Variants in USP43 observed in about 807,000 individuals in gnomAD.
USP43 encodes the protein ubiquitin specific peptidase 43.
USP43 carries 33 observed loss-of-function variants against 90.7 expected under a neutral mutation model. The ratio of observed to expected loss-of-function variants is 0.36; its 90% CI spans 0.28 to 0.49. The LOEUF (loss-of-function observed/expected upper bound fraction) is 0.49, where lower values mean the gene tolerates loss of function less well. Ranked by LOEUF, USP43 falls within the 20% of genes least tolerant of loss-of-function variation. USP43 has a pLI of 0.98. For missense variants in USP43, 1,274 were observed against 1,476.4 expected (o/e 0.86, Z 2.25); for synonymous variants, 598 against 615.8 (o/e 0.97, Z 0.43).
chr17:9,679,516 CTTTTTTTTT>C (rs544977324), intron 5 of USP43, among the ~76,000 whole-genome samples: 2 of 82,310 alleles, frequency 2.4e-5, no homozygotes, highest in Non-Finnish European at 4.3e-5. Context: ...TGAAATGCAT[CTTTTTTTTT>C]TTTTTTTTTT....
At position 9,645,573 on chromosome 17, in the gene USP43, T is replaced by C. The variant is rs951128470; in HGVS notation, c.-60T>C. 4.2e-5 allele frequency: 49 copies of C among 1,167,184 alleles called. No homozygotes were observed. Among genetic ancestry groups the C allele is most frequent in the Non-Finnish European group, 5.1e-5 (48 of 947,002 alleles). The allele number at this position is 1,167,184 out of a possible 1,614,324, so 72.3% of individuals were successfully genotyped here. ...GCCTTAGAGAAGCTGTAGGGCCTGCTGGCCGCTCGTCCGCCTCGCGCCCGG... is the reference window on the plus strand; with the variant it reads ...GCCTTAGAGAAGCTGTAGGGCCTGCCGGCCGCTCGTCCGCCTCGCGCCCGG... On this transcript the variant is annotated 5_prime_UTR_variant, in exon 1 of 15. Transcript: ENST00000285199. This position sits in a 1 kb window ranked among gnomAD's most constrained non-coding sequence, Gnocchi z 6.8.
chr17:9,667,572 G>A (rs181674296), intron 3 of USP43, among the ~76,000 whole-genome samples: 232 of 152,318 alleles, frequency 1.5e-3, no homozygotes, highest in African/African-American at 5.1e-3. Context: ...AGGTCAGAGA[G>A]GGGAGAAAAC....
In USP43 at chr17:9,676,757, T is replaced by C. The variant is rs1300577661; in HGVS notation, c.845T>C (p.Val282Ala). ...IPLRQTRFLSVTLVFPSKSQR... is the reference protein window; with the variant it reads ...IPLRQTRFLSATLVFPSKSQR... ...TTCCTATTTTCCAGGTTCTTGAGTG[T>C]CACCTTGGTCTTCCCCTCTAAGAGC... The change falls in exon 5 of 15, where the codon GTC (valine) becomes GCC (alanine). Residue 282 changes from valine (V) to alanine (A), a missense_variant. Around this residue, in one of 6 missense-constraint regions of USP43, gnomAD observed 259 missense variants for 373.7 expected, o/e 0.69. Coordinates refer to ENST00000285199, the MANE Select transcript of USP43 (RefSeq NM_153210.5). 6.2e-7 allele frequency: 1 copy of C among 1,613,600 alleles called. No homozygotes were observed. The highest frequency in any genetic ancestry group is 1.1e-5 in the South Asian group (1 of 91,018).
chr17:9,666,517 A>T lies in USP43; in HGVS notation c.637-131A>T, dbSNP rs575487031. The T allele has an allele frequency of 6.4e-5, 44 of 683,698 alleles. 1 individual carries two copies. The Admixed American group carries it at 1.1e-3, about 16-fold the overall frequency. 42.4% of individuals were successfully genotyped at this position (683,698 alleles called of 1,614,324 possible). On this transcript the variant is annotated intron_variant, in intron 2 of 14. Coordinates refer to ENST00000285199, the MANE Select transcript of USP43 (RefSeq NM_153210.5). ...TGAGTTATGGTAAAGGCAGCACTGA[A>T]GGTTGAGACTCTACAGAGGCCCAGA...
chr17:9,662,993 T>C (rs1272900481), intron 2 of USP43, among the ~76,000 whole-genome samples: 1 of 152,010 alleles, frequency 6.6e-6, no homozygotes, highest in Non-Finnish European at 1.5e-5. Flanking sequence ...AATTTTTGTA[T>C]TTTTAGTAGA....
chr17:9,649,656 G>T (rs2151960151), intron 1 of USP43, among the ~76,000 whole-genome samples: 1 of 130,852 alleles, frequency 7.6e-6, no homozygotes, highest in Non-Finnish European at 1.6e-5. Flanking sequence ...TTCTAATGAT[G>T]TAATTAAATG....
intron 1 of USP43, among the ~76,000 whole-genome samples, chr17:9,648,037 A>G (rs1314794769): frequency 6.6e-6 from 1 of 152,164 alleles, no homozygotes; most frequent in Non-Finnish European, 1.5e-5. Context: ...GCAAAGCAAA[A>G]CAAAACAAAA....
chr17:9,668,819 G>A (rs923895205), intron 3 of USP43, among the ~76,000 whole-genome samples: 3 of 151,976 alleles, frequency 2.0e-5, no homozygotes, highest in East Asian at 3.9e-4. Context: ...CATGAAAGCC[G>A]CTTGTAGGGC....
At chr17:9,690,407 T>C (rs1051053264) in intron 8 of USP43, among the ~76,000 whole-genome samples, 1 of 152,172 alleles carries the variant, frequency 6.6e-6, no homozygotes, top group Non-Finnish European at 1.5e-5. Flanking sequence ...CCCCGTTGAT[T>C]TTTTAAAAAA....
In USP43 at chr17:9,680,377, T is replaced by C. The variant is rs780212500; in HGVS notation, c.1105+11T>C. On this transcript the variant is annotated intron_variant, in intron 6 of 14. Coordinates refer to ENST00000285199, the MANE Select transcript of USP43 (RefSeq NM_153210.5). ...AGGGGACTCTCTCAGGTATAACAGG[T>C]GCTTTGCACAATTTTATTTGGCTAT... 3 of 1,613,316 alleles carry C rather than the reference T, an allele frequency of 1.9e-6. No individual in the cohort carries two copies. In the African/African-American group the frequency reaches 4.0e-5, roughly 22 times the overall value.
chr17:9,724,553 G>A (rs1239727916), intron 14 of USP43, among the ~76,000 whole-genome samples: 2 of 152,122 alleles, frequency 1.3e-5, no homozygotes, highest in Non-Finnish European at 2.9e-5. Context: ...GGTGGTGGAC[G>A]CCTGTAATCC....
intron 14 of USP43, among the ~76,000 whole-genome samples, chr17:9,717,675 G>A (rs924577331): frequency 1.2e-4 from 18 of 151,460 alleles, no homozygotes; most frequent in African/African-American, 4.1e-4. Context: ...GTGTGAGTGC[G>A]AGTCTCCCTG....
chr17:9,711,943 C>T (rs1916219663), intron 13 of USP43, 25 bp from the exon 14 acceptor site: 1 of 1,568,608 alleles, frequency 6.4e-7, no homozygotes, highest in East Asian at 2.3e-5. Flanking sequence ...TGGGCTCAGC[C>T]TCCCTCTCTG....
At chr17:9,717,364 T>C (rs1226052669) in intron 14 of USP43, among the ~76,000 whole-genome samples, 1 of 147,160 alleles carries the variant, frequency 6.8e-6, no homozygotes, top group East Asian at 2.0e-4. Context: ...GGGCACAGTG[T>C]GTGTGTGTGT....
At chr17:9,689,895 A>G (rs8079554) in intron 8 of USP43, among the ~76,000 whole-genome samples, 49,101 of 152,032 alleles carry the variant, frequency 0.32, 9,238 homozygotes, top group East Asian at 0.63. Flanking sequence ...CCAGATTTAA[A>G]TTAACATTCT....
In USP43 at chr17:9,701,406, A is replaced by G; in HGVS notation, c.1717A>G (p.Met573Val). Residue 573 changes from methionine to valine, a missense_variant, in exon 12 of 15, where the codon ATG (methionine) becomes GTG (valine). Physicochemically the swap from Met to Val is conservative, Grantham distance 21 (BLOSUM62 1). Coordinates refer to ENST00000285199, the MANE Select transcript of USP43 (RefSeq NM_153210.5). This position sits in a 1 kb window ranked among gnomAD's most constrained non-coding sequence, Gnocchi z 7.2. The part of the protein sequence containing the change: ...CPHCQVLQQG[M>V]VKLSLWTLPD... ...TCACTGCCAAGTCCTGCAGCAGGGGATGGTGAAGCTGAGTTTGTGGACGCT... is the reference window on the plus strand; with the variant it reads ...TCACTGCCAAGTCCTGCAGCAGGGGGTGGTGAAGCTGAGTTTGTGGACGCT... The G allele has an allele frequency of 2.5e-6, 4 of 1,604,088 alleles. No individual in the cohort carries two copies. The highest frequency in any genetic ancestry group is 3.4e-6 in the Non-Finnish European group (4 of 1,175,586).
Position 9,693,359 on chromosome 17 carries a change from C to T in USP43, c.1457+129C>T, listed in dbSNP as rs936279591. The T allele has an allele frequency of 5.3e-6, 4 of 755,668 alleles. No homozygotes were observed. In the African/African-American group the frequency reaches 7.0e-5, roughly 13 times the overall value. The allele number at this position is 755,668 out of a possible 1,614,324, so 46.8% of individuals were successfully genotyped here. A position where few individuals can be genotyped will look rare whatever the true frequency, so the allele number is the denominator to read the frequency against. ...TCTTGATCACTTACCTCTCCAGTACCAGCCGCTATGTTAGGTCATTGGGCA... is the reference window on the plus strand; with the variant it reads ...TCTTGATCACTTACCTCTCCAGTACTAGCCGCTATGTTAGGTCATTGGGCA... On this transcript the variant is annotated intron_variant, in intron 9 of 14. Coordinates refer to ENST00000285199, the MANE Select transcript of USP43 (RefSeq NM_153210.5).
At chr17:9,656,679 C>G in intron 2 of USP43, 145 bp downstream of exon 2, 1 of 1,061,378 alleles carries the variant, frequency 9.4e-7, no homozygotes, top group Non-Finnish European at 1.3e-6. Flanking sequence ...CTGTTCCCTG[C>G]TTCCTTCTCT....
At chr17:9,653,645 T>G (rs1912031775) in intron 1 of USP43, among the ~76,000 whole-genome samples, 1 of 150,436 alleles carries the variant, frequency 6.6e-6, no homozygotes, top group South Asian at 2.1e-4. Flanking sequence ...AAAGAGTGTT[T>G]GGGGCAGCTA....
Sources: allele counts gnomAD v4.1 joint callset (sites outside exome capture counted in the v4.1 genomes callset), GRCh38; gene constraint gnomAD v4.1.1; regional missense constraint gnomAD v4.1.1; non-coding constraint Gnocchi (gnomAD v3.1); transcripts MANE v1.5; gene names NCBI Gene and HGNC (gene_info 2026-07-23, HGNC 2026-07-21).